LARS1: variants seen among roughly 807,000 people sequenced by gnomAD.
LARS1 encodes the protein leucyl-tRNA synthetase 1.
Under a neutral mutation model 162.8 loss-of-function variants are expected in LARS1, and 100 were observed. The observed-to-expected ratio is 0.61, with a 90% CI of 0.52 to 0.73. The LOEUF (loss-of-function observed/expected upper bound fraction) is 0.73. Ranked by LOEUF, LARS1 falls within the 30% of genes least tolerant of loss-of-function variation. The pLI is 0.00. For synonymous variants in LARS1, 457 were observed against 462.8 expected (o/e 0.99, Z 0.16); for missense variants, 1,258 against 1,408.9 (o/e 0.89, Z 1.71).
In LARS1 at chr5:146,143,517, A is replaced by G; in HGVS notation, c.1772T>C (p.Ile591Thr). ...AATAGTGGAGTCAGAAAGTGATTCA[A>G]TCAGCCACTGCTCATCCCAAGGCAG... The part of the protein sequence containing the change: ...THLPWDEQWL[I>T]ESLSDSTIYM... The change falls in exon 19 of 32, where the codon ATT becomes ACT. Residue 591 changes from isoleucine to threonine, a missense_variant. Transcript: ENST00000394434. 3 of 1,614,050 alleles carry G rather than the reference A, an allele frequency of 1.9e-6. No individual in the cohort carries two copies. Among genetic ancestry groups the G allele is most frequent in the Non-Finnish European group, 2.5e-6 (3 of 1,179,930 alleles).
intron 24 of LARS1, 64 bp downstream of exon 24, chr5:146,130,955 G>C (rs918435700): frequency 1.8e-5 from 16 of 893,362 alleles, no homozygotes; most frequent in Admixed American, 7.9e-5. Context: ...GAAGAAAAAA[G>C]GGGGAAAATA....
At chr5:146,117,832 A>G (rs1008433014) in intron 31 of LARS1, among the ~76,000 whole-genome samples, 10 of 152,236 alleles carry the variant, frequency 6.6e-5, no homozygotes, top group Non-Finnish European at 1.3e-4. Flanking sequence ...CACAAAAGGA[A>G]AAATATTGTG....
Position 146,133,004 on chromosome 5 carries a change from T to A in LARS1, c.2290A>T (p.Ile764Phe). 1 of 1,614,066 alleles carries A rather than the reference T, an allele frequency of 6.2e-7. No individual in the cohort carries two copies. The highest frequency in any genetic ancestry group is 8.5e-7 in the Non-Finnish European group (1 of 1,179,944). Residue 764 changes from isoleucine to phenylalanine, a missense_variant, in exon 23 of 32, where the codon ATT (isoleucine) becomes TTT (phenylalanine). Physicochemically the swap from Ile to Phe is conservative, Grantham distance 21 (BLOSUM62 0). Transcript: ENST00000394434. The part of the protein sequence containing the change: ...NFVEAMADAG[I>F]LRLYTWVEWV... ...TCTACCCAGGTGTACAGACGGAGAATACCTGCATCTGCCATGGCTTCCACA... is the reference window on the plus strand; with the variant it reads ...TCTACCCAGGTGTACAGACGGAGAAAACCTGCATCTGCCATGGCTTCCACA...
intron 21 of LARS1, chr5:146,138,134 A>C (rs1399424966): frequency 6.5e-6 from 1 of 154,550 alleles, no homozygotes; most frequent in Non-Finnish European, 1.5e-5. Context: ...AAAAAAAAAA[A>C]AAAGTGAAAC....
At chr5:146,181,647 C>G (rs1419327569) in intron 1 of LARS1, among the ~76,000 whole-genome samples, 2 of 151,786 alleles carry the variant, frequency 1.3e-5, no homozygotes, top group Non-Finnish European at 2.9e-5. Context: ...GTGAGAACAT[C>G]TCCCAAATTT....
At chr5:146,142,827 T>G in intron 20 of LARS1, 45 bp downstream of exon 20, 1 of 1,443,648 alleles carries the variant, frequency 6.9e-7, no homozygotes, top group Non-Finnish European at 9.7e-7. Context: ...AAGACACCCC[T>G]ATTGACAATC....
At position 146,135,628 on chromosome 5, in the gene LARS1, G is replaced by C. The variant is rs1234532462; in HGVS notation, c.2185C>G (p.Gln729Glu). The change falls in exon 22 of 32, where the codon CAA (glutamine) becomes GAA (glutamate). Residue 729 changes from glutamine (Q) to glutamate (E), a missense_variant. Transcript: ENST00000394434. ...TCTGCTGAAAATTTGTCAATAGCTT[G>C]GGTCAAAGTGAGGAAGTTGCCTGTG... is the stretch of plus-strand genomic sequence containing the variant. ...KSTGNFLTLTQAIDKFSADGM... is the reference protein window; with the variant it reads ...KSTGNFLTLTEAIDKFSADGM... The C allele has an allele frequency of 6.2e-7, 1 of 1,602,932 alleles. No homozygotes were observed. Among genetic ancestry groups the C allele is most frequent in the African/African-American group, 1.3e-5 (1 of 74,302 alleles).
At chr5:146,182,016 C>A (rs976734303) in intron 1 of LARS1, 1 of 159,362 alleles carries the variant, frequency 6.3e-6, no homozygotes, top group Non-Finnish European at 1.4e-5. Context: ...TCCTGGCTCA[C>A]AGCAGCCTCC....
At chr5:146,170,320 A>G (rs1419214475) in intron 4 of LARS1, among the ~76,000 whole-genome samples, 1 of 151,950 alleles carries the variant, frequency 6.6e-6, no homozygotes, top group Non-Finnish European at 1.5e-5. Context: ...TACAAAAAAC[A>G]TTAGCCAGGC....
At chr5:146,135,475 C>T in intron 22 of LARS1, 126 bp downstream of exon 22, 1 of 655,278 alleles carries the variant, frequency 1.5e-6, no homozygotes, top group Non-Finnish European at 2.6e-6. Context: ...ACAAAGGAAA[C>T]ATTAAGATTT....
Position 146,131,082 on chromosome 5 carries a change from T to C in LARS1, c.2424A>G (p.Thr808=), listed in dbSNP as rs766798503. 1.9e-6 allele frequency: 3 copies of C among 1,588,774 alleles called. No individual in the cohort carries two copies. Among genetic ancestry groups the C allele is most frequent in the Non-Finnish European group, 2.6e-6 (3 of 1,164,112 alleles). ...ACATCATCTTTTCATAGTTTTGATC[T>C]GTTTTTATAATTCCTGCATTCAATT... ...ASELNAGIIK[T]DQNYEKMMFK... Residue 808 remains threonine, a synonymous_variant, in exon 24 of 32, where the codon ACA becomes ACG. Transcript: ENST00000394434.
At chr5:146,120,682 C>T (rs1159550021) in intron 30 of LARS1, among the ~76,000 whole-genome samples, 179 bp from the exon 31 acceptor site, 1 of 152,096 alleles carries the variant, frequency 6.6e-6, no homozygotes, top group African/African-American at 2.4e-5. Context: ...TAACCAAATG[C>T]CTAGGTAAAG....
At chr5:146,164,906 A>T (rs1387386903) in intron 5 of LARS1, among the ~76,000 whole-genome samples, 2 of 152,230 alleles carry the variant, frequency 1.3e-5, no homozygotes, top group African/African-American at 2.4e-5. Context: ...GAAGGTAGGA[A>T]ATTTGGTTAA....
rs774512697 is a variant in LARS1 at position 146,142,880 on chromosome 5, C to T, written c.2082G>A (p.Pro694=). The T allele has an allele frequency of 2.5e-5, 41 of 1,612,538 alleles. No individual in the cohort carries two copies. The highest frequency in any genetic ancestry group is 1.1e-4 in the South Asian group (10 of 90,998). The change falls in exon 20 of 32, where the codon CCG becomes CCA. Residue 694 remains proline (P), a synonymous_variant. Coordinates refer to ENST00000394434, the MANE Select transcript of LARS1 (RefSeq NM_020117.11). ...YYLYNHVAMW[P]EQSDKWPTAV... is the part of the protein sequence containing the mutation. ...CCTATTTTATCATTCACCTTTGTTC[C>T]GGCCACATAGCCACATGATTATAAA...
At chr5:146,139,872 CAAAAA>C (rs34203668) in intron 21 of LARS1, among the ~76,000 whole-genome samples, 14 of 83,370 alleles carry the variant, frequency 1.7e-4, no homozygotes, top group African/African-American at 2.1e-4. Context: ...GACTCCGTCT[CAAAAA>C]AAAAAAAAAA....
At chr5:146,142,474 G>C (rs1383404818) in intron 20 of LARS1, among the ~76,000 whole-genome samples, 1 of 152,148 alleles carries the variant, frequency 6.6e-6, no homozygotes, top group African/African-American at 2.4e-5. Flanking sequence ...GGTAAAGAGG[G>C]AAAAGGACAG....
At chr5:146,164,520 C>G in intron 5 of LARS1, 49 bp from the exon 6 acceptor site, 1 of 1,557,752 alleles carries the variant, frequency 6.4e-7, no homozygotes, top group Admixed American at 1.8e-5. Flanking sequence ...AACCAACACT[C>G]CAGGAAAATG....
intron 9 of LARS1, 39 bp downstream of exon 9, chr5:146,157,689 G>C: frequency 6.2e-7 from 1 of 1,611,916 alleles, no homozygotes; most frequent in South Asian, 1.1e-5. Context: ...ACTATCTGAT[G>C]GTTCAGAAAT....
chr5:146,156,678 G>A (rs1753542901), intron 10 of LARS1, among the ~76,000 whole-genome samples: 1 of 149,494 alleles, frequency 6.7e-6, no homozygotes, highest in African/African-American at 2.4e-5. Context: ...TGGGCAACAA[G>A]GGCAAAACTG....
Sources: gnomAD v4.1 joint callset for allele counts (sites outside exome capture counted in the v4.1 genomes callset) on GRCh38, gnomAD v4.1.1 for gene constraint, MANE v1.5 for transcripts, NCBI Gene and HGNC (gene_info 2026-07-23, HGNC 2026-07-21) for gene names.